The following BRD4 variants were observed in gnomAD, a reference collection of about 807,000 sequenced individuals.
The protein encoded by BRD4 is bromodomain containing 4.
A neutral mutation model predicts 142.1 loss-of-function variants in BRD4; 16 were observed. The ratio of observed to expected loss-of-function variants is 0.11; its 90% CI spans 0.08 to 0.17. The LOEUF is 0.17. BRD4 is among the 10% of genes least tolerant of loss of function. The pLI, the probability that BRD4 is intolerant of heterozygous loss-of-function variation, is 1.00. For synonymous variants in BRD4, 833 were observed against 707.5 expected (o/e 1.18, Z -2.82); for missense variants, 1,424 against 1,810.9 (o/e 0.79, Z 3.88).
At chr19:15,279,915 A>G (rs2047689108) in intron 1 of BRD4, among the ~76,000 whole-genome samples, 1 of 152,208 alleles carries the variant, frequency 6.6e-6, no homozygotes, top group Non-Finnish European at 1.5e-5. Flanking sequence ...GATGGAGCAC[A>G]CAGGTAGAAA....
intron 1 of BRD4, among the ~76,000 whole-genome samples, chr19:15,325,567 G>GA (rs777846268): frequency 4.6e-5 from 7 of 152,056 alleles, no homozygotes; most frequent in South Asian, 2.1e-4. Flanking sequence ...ATTTGTGGGG[G>GA]AAAAAATGTT....
chr19:15,320,510 G>A (rs1053686816), intron 1 of BRD4, among the ~76,000 whole-genome samples: 8 of 152,132 alleles, frequency 5.3e-5, no homozygotes, highest in Admixed American at 5.2e-4. Flanking sequence ...TATTTATATG[G>A]AAGAGAGACC....
Position 15,238,791 on chromosome 19 carries a change from C to T in BRD4, c.3972G>A (p.Gln1324=), listed in dbSNP as rs763627798. 1.1e-5 allele frequency: 17 copies of T among 1,590,992 alleles called. No individual in the cohort carries two copies. The highest frequency in any genetic ancestry group is 2.7e-5 in the African/African-American group (2 of 74,398). The change falls in exon 19 of 20, where the codon CAG becomes CAA. Residue 1324 remains glutamine, a synonymous_variant. Coordinates refer to ENST00000679869, the MANE Select transcript of BRD4 (RefSeq NM_001379291.1). This position sits in a 1 kb window ranked among gnomAD's most constrained non-coding sequence, Gnocchi z 7.2. ...GCTCCCGCTTCCGGGCCAACTCCCT[C>T]TGCTGGTCCAGCATGGACTGGGGCT... ...SSQPQSMLDQ[Q]RELARKREQE... is the part of the protein sequence containing the mutation.
chr19:15,292,504 C>T (rs1245300921), intron 1 of BRD4, among the ~76,000 whole-genome samples: 1 of 152,094 alleles, frequency 6.6e-6, no homozygotes, highest in South Asian at 2.1e-4. Flanking sequence ...CTGGGCCGGG[C>T]GCAGTGGCTC....
chr19:15,297,590 C>T (rs557150644), intron 1 of BRD4, among the ~76,000 whole-genome samples: 3 of 152,300 alleles, frequency 2.0e-5, no homozygotes, highest in South Asian at 2.1e-4. Flanking sequence ...AACTAAGATA[C>T]GCTCTGTATT....
chr19:15,312,138 G>C (rs1354481782), intron 1 of BRD4, among the ~76,000 whole-genome samples: 1 of 152,208 alleles, frequency 6.6e-6, no homozygotes, highest in Non-Finnish European at 1.5e-5. Context: ...GCCCTCACAG[G>C]GCTGGGTCAA....
intron 11 of BRD4, 33 bp from the exon 12 acceptor site, chr19:15,244,795 G>A (rs1303846599): frequency 1.9e-6 from 3 of 1,613,898 alleles, no homozygotes; most frequent in Non-Finnish European, 1.7e-6. Context: ...GTGAGGCTCT[G>A]GGGGAGAAGG....
At chr19:15,322,135 C>T (rs2048066676) in intron 1 of BRD4, among the ~76,000 whole-genome samples, 1 of 152,150 alleles carries the variant, frequency 6.6e-6, no homozygotes, top group African/African-American at 2.4e-5. Flanking sequence ...TTATCATGTA[C>T]ACAACACCTA....
rs759440567 is a variant in BRD4, at chr19:15,239,987, G to A, written c.3205C>T (p.His1069Tyr). 6.2e-7 allele frequency: 1 copy of A among 1,613,658 alleles called. No individual in the cohort carries two copies. Among genetic ancestry groups the A allele is most frequent in the South Asian group, 1.1e-5 (1 of 91,072 alleles). The change falls in exon 15 of 20, where the codon CAT becomes TAT. Residue 1069 changes from histidine to tyrosine, a missense_variant. By Grantham distance (83) the His-to-Tyr change is moderately conservative. Coordinates refer to ENST00000679869, the MANE Select transcript of BRD4 (RefSeq NM_001379291.1). This position sits in a 1 kb window ranked among gnomAD's most constrained non-coding sequence, Gnocchi z 7.4. The part of the protein sequence containing the change: ...LREAPSPLMI[H>Y]SPQMSQFQSL... Reference sequence around the variant, plus strand: ...TGGAACTGTGACATCTGGGGGGAATGTATCATAAGCGGGGAGGGGGCTTCG... The same window carrying A: ...TGGAACTGTGACATCTGGGGGGAATATATCATAAGCGGGGAGGGGGCTTCG...
chr19:15,294,530 A>G (rs2047808283), intron 1 of BRD4, among the ~76,000 whole-genome samples: 1 of 152,274 alleles, frequency 6.6e-6, no homozygotes, highest in African/African-American at 2.4e-5. Context: ...GGATGACACT[A>G]AAAGAACTGG....
At chr19:15,257,268 G>T (rs2047421663) in intron 7 of BRD4, 95 bp from the exon 8 acceptor site, 1 of 1,219,448 alleles carries the variant, frequency 8.2e-7, no homozygotes, top group Admixed American at 2.5e-5. Context: ...CAACTCAACA[G>T]AAAGCAACCG....
At chr19:15,305,023 C>CTTTT (rs34235278) in intron 1 of BRD4, among the ~76,000 whole-genome samples, 4 of 126,414 alleles carry the variant, frequency 3.2e-5, no homozygotes, top group Non-Finnish European at 4.9e-5. Flanking sequence ...TTAAGACCAT[C>CTTTT]TTTTTTTTTT....
rs2047201852 is a variant in BRD4, at chr19:15,237,391, T to C, written c.*986A>G. On this transcript the variant is annotated 3_prime_UTR_variant, in exon 20 of 20. Coordinates refer to ENST00000679869, the MANE Select transcript of BRD4 (RefSeq NM_001379291.1). ...TGTCTTTTTGTGGATTTTTTTGAGC[T>C]TTTTTCTTTTTTCACACCAGTTTGG... The C allele has an allele frequency of 4.5e-6, 1 of 222,298 alleles. No individual in the cohort carries two copies. The highest frequency in any genetic ancestry group is 2.2e-5 in the African/African-American group (1 of 44,546). 13.8% of individuals were successfully genotyped at this position (222,298 alleles called of 1,614,324 possible). A position where few individuals can be genotyped will look rare whatever the true frequency, so the allele number is the denominator to read the frequency against.
intron 4 of BRD4, among the ~76,000 whole-genome samples, chr19:15,266,007 A>C (rs2047530635): frequency 6.6e-6 from 1 of 152,192 alleles, no homozygotes; most frequent in Non-Finnish European, 1.5e-5. Flanking sequence ...TTGTTCCCAG[A>C]AGCACTGCCT....
At chr19:15,277,619 CAA>C (rs67961221) in intron 1 of BRD4, among the ~76,000 whole-genome samples, 50 of 96,006 alleles carry the variant, frequency 5.2e-4, no homozygotes, top group African/African-American at 1.1e-3. Flanking sequence ...CTATCTCTAC[CAA>C]AAAAAAAAAA....
intron 1 of BRD4, among the ~76,000 whole-genome samples, chr19:15,314,372 G>A (rs987409145): frequency 6.6e-6 from 1 of 152,136 alleles, no homozygotes; most frequent in Admixed American, 6.6e-5. Flanking sequence ...GTTCACTCTA[G>A]GACACATTGT....
intron 4 of BRD4, among the ~76,000 whole-genome samples, chr19:15,266,805 G>A (rs895791384): frequency 2.6e-5 from 4 of 152,198 alleles, no homozygotes; most frequent in African/African-American, 9.7e-5. Flanking sequence ...GCATGGAGTT[G>A]CAAAGGACAA....
chr19:15,255,216 A>G, intron 10 of BRD4, 81 bp downstream of exon 10: 1 of 1,390,002 alleles, frequency 7.2e-7, no homozygotes, highest in South Asian at 1.4e-5. Flanking sequence ...GGGCGCAGAA[A>G]GAGTGGACTG....
At chr19:15,331,986 C>A (rs933041238) in intron 1 of BRD4, 7 of 140,058 alleles carry the variant, frequency 5.0e-5, no homozygotes, top group Non-Finnish European at 7.9e-5. Flanking sequence ...GGCGCCCGCG[C>A]CCCCCACCCG....
Sources: allele counts gnomAD v4.1 joint callset (sites outside exome capture counted in the v4.1 genomes callset), GRCh38; gene constraint gnomAD v4.1.1; non-coding constraint Gnocchi (gnomAD v3.1); transcripts MANE v1.5; gene names NCBI Gene and HGNC (gene_info 2026-07-23, HGNC 2026-07-21).